The following GRIN2B variants were observed in gnomAD, a reference collection of about 807,000 sequenced individuals.
The protein encoded by GRIN2B is glutamate ionotropic receptor NMDA type subunit 2B, also known as glutamate receptor ionotropic, NMDA 2B.
GRIN2B carries 5 observed loss-of-function variants against 114.5 expected under a neutral mutation model. The ratio of observed to expected loss-of-function variants is 0.04; its 90% CI spans 0.02 to 0.09. The LOEUF (loss-of-function observed/expected upper bound fraction) is 0.09. GRIN2B is among the 10% of genes least tolerant of loss of function. The probability of loss-of-function intolerance (pLI) is 1.00; values close to 1 mark genes in which losing one functional copy is unlikely to be tolerated. For synonymous variants in GRIN2B, 787 were observed against 745.1 expected, an observed-to-expected ratio of 1.06 and a Z score of -0.92; for missense variants, 1,108 against 1,943.5, an observed-to-expected ratio of 0.57 and a Z score of 8.08.
chr12:13,958,807 C>G (rs771477524), intron 2 of GRIN2B, among the ~76,000 whole-genome samples: 1 of 152,078 alleles, frequency 6.6e-6, no homozygotes, highest in Non-Finnish European at 1.5e-5. Flanking sequence ...CACAAAAAGA[C>G]GAGAAGGTTA....
In GRIN2B at chr12:13,564,505, C is replaced by A. The variant is rs769093992; in HGVS notation, c.2733G>T (p.Leu911=). Reference sequence around the variant, plus strand: ...TCTGCGGTGAGCCATTCACACCAGACAGGTTAGCCATGTTCTTGGCCGTGC... The same window carrying A: ...TCTGCGGTGAGCCATTCACACCAGAAAGGTTAGCCATGTTCTTGGCCGTGC... ...LLRTAKNMAN[L]SGVNGSPQSA... is the part of the protein sequence containing the mutation. Residue 911 remains leucine (L), a synonymous_variant, in exon 14 of 14, where the codon CTG becomes CTT. Coordinates refer to ENST00000609686, the MANE Select transcript of GRIN2B (RefSeq NM_000834.5). This position sits in a 1 kb window ranked among gnomAD's most constrained non-coding sequence, Gnocchi z 4.8. 6.2e-7 allele frequency: 1 copy of A among 1,614,228 alleles called. No homozygotes were observed. Among genetic ancestry groups the A allele is most frequent in the Admixed American group, 1.7e-5 (1 of 60,028 alleles).
chr12:13,611,888 AGAGAGCAAAAGAATTC>A, intron 8 of GRIN2B, 38 bp from the exon 9 acceptor site: 5 of 1,604,922 alleles, frequency 3.1e-6, no homozygotes, highest in Non-Finnish European at 4.3e-6. Flanking sequence ...GGGTTAGAAC[AGAGAGCAAAAGAATTC>A]GAATTAATTC....
chr12:13,582,876 C>G (rs80335299), intron 10 of GRIN2B, among the ~76,000 whole-genome samples: 1 of 152,046 alleles, frequency 6.6e-6, no homozygotes, highest in Non-Finnish European at 1.5e-5. Context: ...TTCCTCGCAA[C>G]GATGGTTTTA....
chr12:13,847,705 G>A (rs1219779981), intron 3 of GRIN2B, among the ~76,000 whole-genome samples: 1 of 152,008 alleles, frequency 6.6e-6, no homozygotes, highest in Non-Finnish European at 1.5e-5. Flanking sequence ...AGAGAAAGGA[G>A]GACAGAGAGA....
intron 4 of GRIN2B, among the ~76,000 whole-genome samples, chr12:13,720,805 G>C (rs923067348): frequency 1.3e-5 from 2 of 152,042 alleles, no homozygotes; most frequent in African/African-American, 4.8e-5. Flanking sequence ...GCTCTTGCAG[G>C]GTAAGTACAG....
chr12:13,686,157 C>A (rs1251771458), intron 4 of GRIN2B, among the ~76,000 whole-genome samples: 2 of 152,146 alleles, frequency 1.3e-5, no homozygotes, highest in Non-Finnish European at 2.9e-5. Flanking sequence ...CATTATGGCA[C>A]TGTTTCTAGA....
At chr12:13,576,589 C>T (rs1461595699) in intron 10 of GRIN2B, among the ~76,000 whole-genome samples, 1 of 151,706 alleles carries the variant, frequency 6.6e-6, no homozygotes, top group African/African-American at 2.4e-5. Context: ...CTCTGTCACC[C>T]AGGCTGGAGT....
rs1019326232 is a variant in GRIN2B at position 13,544,497 on chromosome 12, T to C, written c.*18286A>G. ...TAAATATGTATCTTCAGGCTATACA[T>C]TTTCCCTGAACTCCAGGTCCATATA... On this transcript the variant is annotated 3_prime_UTR_variant, in exon 14 of 14. Coordinates refer to ENST00000609686, the MANE Select transcript of GRIN2B (RefSeq NM_000834.5). 6.6e-6 allele frequency: 1 copy of C among 152,128 alleles called. No homozygotes were observed. The highest frequency in any genetic ancestry group is 2.4e-5 in the African/African-American group (1 of 41,424). The allele number at this position is 152,128 out of a possible 1,614,324, so 9.4% of individuals were successfully genotyped here.
chr12:13,635,443 G>C lies in GRIN2B; in HGVS notation c.1126-18786C>G, dbSNP rs530324586. 2.1e-4 allele frequency among the ~76,000 whole-genome samples: 32 copies of C among 152,264 alleles called. No individual in the cohort carries two copies. The South Asian group carries it at 6.6e-3, about 32-fold the overall frequency. ...TCCCAGACACCATGTTACTAGTTTA[G>C]GGTCCTGGGAGGAGCAGAGGAAGAT... On this transcript the variant is annotated intron_variant, in intron 5 of 13. Coordinates refer to ENST00000609686, the MANE Select transcript of GRIN2B (RefSeq NM_000834.5).
At chr12:13,714,896 T>C (rs995151275) in intron 4 of GRIN2B, among the ~76,000 whole-genome samples, 12 of 151,216 alleles carry the variant, frequency 7.9e-5, no homozygotes, top group African/African-American at 1.2e-4. Context: ...AAGTAAAGAG[T>C]TTCTCAAGAA....
chr12:13,916,737 T>TGTGTGAG (rs1555156758), intron 2 of GRIN2B, among the ~76,000 whole-genome samples: 1 of 139,900 alleles, frequency 7.1e-6, no homozygotes, highest in African/African-American at 2.6e-5. Flanking sequence ...ACACACACAT[T>TGTGTGAG]TGTGTGTGTG....
chr12:13,644,605 T>C (rs545575644), intron 5 of GRIN2B, among the ~76,000 whole-genome samples: 7 of 152,240 alleles, frequency 4.6e-5, no homozygotes, highest in Non-Finnish European at 1.0e-4. Flanking sequence ...CTTCTCTAGC[T>C]ATGAAGGCCC....
Position 13,808,862 on chromosome 12 carries a change from A to C in GRIN2B, c.412-54947T>G, listed in dbSNP as rs183045545. ...ATGAGCCAATAGATAAAGCAAGGCTAGGAGAAAACCAGTCATGACAAAAAC... is the reference window on the plus strand; with the variant it reads ...ATGAGCCAATAGATAAAGCAAGGCTCGGAGAAAACCAGTCATGACAAAAAC... On this transcript the variant is annotated intron_variant, in intron 3 of 13. Transcript: ENST00000609686. 1.6e-3 allele frequency among the ~76,000 whole-genome samples: 250 copies of C among 151,886 alleles called. 1 individual carries two copies. Among genetic ancestry groups the C allele is most frequent in the African/African-American group, 5.7e-3 (238 of 41,454 alleles).
At chr12:13,710,946 C>G (rs1388270470) in intron 4 of GRIN2B, among the ~76,000 whole-genome samples, 1 of 152,006 alleles carries the variant, frequency 6.6e-6, no homozygotes, top group Non-Finnish European at 1.5e-5. Flanking sequence ...AAGAACAAAG[C>G]TGGAGGCATC....
chr12:13,782,835 G>A (rs1864144029), intron 3 of GRIN2B, among the ~76,000 whole-genome samples: 1 of 152,166 alleles, frequency 6.6e-6, no homozygotes, highest in Non-Finnish European at 1.5e-5. Flanking sequence ...CTGCAGCCCA[G>A]CAGTGGGCCA....
intron 2 of GRIN2B, among the ~76,000 whole-genome samples, chr12:13,878,063 CAAAAAA>C (rs71067735): frequency 9.3e-4 from 68 of 73,224 alleles, no homozygotes; most frequent in African/African-American, 3.5e-3. Flanking sequence ...GACTCTGTCT[CAAAAAA>C]AAAAAAAAAA....
At chr12:13,831,662 G>C (rs567938693) in intron 3 of GRIN2B, among the ~76,000 whole-genome samples, 3 of 152,346 alleles carry the variant, frequency 2.0e-5, no homozygotes, top group African/African-American at 4.8e-5. Context: ...GGGGAGCCCG[G>C]TAACTGCCAC....
At chr12:13,599,380 A>G (rs1211123289) in intron 10 of GRIN2B, among the ~76,000 whole-genome samples, 1 of 152,190 alleles carries the variant, frequency 6.6e-6, no homozygotes, top group Non-Finnish European at 1.5e-5. Flanking sequence ...GCTGAAACAC[A>G]AAAGCCCAGA....
chr12:13,659,246 G>T (rs1949896949), intron 5 of GRIN2B, among the ~76,000 whole-genome samples: 1 of 152,128 alleles, frequency 6.6e-6, no homozygotes, highest in African/African-American at 2.4e-5. Context: ...TGATGTCCCA[G>T]TGTCCCATAA....
Sources: gnomAD v4.1 joint callset for allele counts (sites outside exome capture counted in the v4.1 genomes callset) on GRCh38, gnomAD v4.1.1 for gene constraint, Gnocchi (gnomAD v3.1) non-coding constraint, MANE v1.5 for transcripts, NCBI Gene and HGNC (gene_info 2026-07-23, HGNC 2026-07-21) for gene names.